Variants in KLRG1 observed in about 807,000 individuals in gnomAD.
KLRG1 encodes the protein killer cell lectin like receptor G1, also known as killer cell lectin-like receptor subfamily G member 1.
In KLRG1, 16 loss-of-function variants were observed where a neutral mutation model predicts 21.8. That is an observed-to-expected ratio of 0.73 (90% CI 0.50 to 1.11). The LOEUF (loss-of-function observed/expected upper bound fraction) is 1.11, where lower values mean the gene tolerates loss of function less well. Among genes scored for constraint, KLRG1 ranks in the 50% most tolerant of loss-of-function variants. The pLI, the probability that KLRG1 is intolerant of heterozygous loss-of-function variation, is 0.00. For missense variants in KLRG1, 173 were observed against 218.3 expected, an observed-to-expected ratio of 0.79 and a Z score of 1.31; for synonymous variants, 69 against 75.9, an observed-to-expected ratio of 0.91 and a Z score of 0.47.
Position 8,973,636 on chromosome 12 carries a change from G to A in KLRG1, c.-155-18570G>A, listed in dbSNP as rs73238275. Among the ~76,000 whole-genome samples the A allele has an allele frequency of 9.6e-3, 1,468 of 152,256 alleles. 28 individuals are homozygous for A. The highest frequency in any genetic ancestry group is 0.032 in the African/African-American group (1,335 of 41,542). On this transcript the variant is annotated intron_variant, in intron 1 of 4. Transcript: ENST00000539240. The stretch of plus-strand genomic sequence containing the variant: ...TGTTATAGAAGCACAAATGGACTAA[G>A]ACATAGTATGGATATTTTAACAGTA...
the KLRG1 span, among the ~76,000 whole-genome samples, chr12:9,030,686 G>A: frequency 1.5e-3 from 224 of 152,286 alleles, no homozygotes; most frequent in Middle Eastern, 3.4e-3. Flanking sequence ...GATTACAGGC[G>A]TGAGCCACTG....
intron 1 of KLRG1, among the ~76,000 whole-genome samples, chr12:8,971,575 A>G (rs1319389383): frequency 1.4e-5 from 1 of 69,376 alleles, no homozygotes; most frequent in East Asian, 4.2e-4. Context: ...CACCCCGCCC[A>G]CAACCCCCAG....
At chr12:9,143,256 A>G in the KLRG1 span, among the ~76,000 whole-genome samples, 1 of 152,236 alleles carries the variant, frequency 6.6e-6, no homozygotes. Flanking sequence ...ACATGGAGAA[A>G]GGGACATGAA....
At chr12:9,090,378 C>T in the KLRG1 span, 1 of 1,613,946 alleles carries the variant, frequency 6.2e-7, no homozygotes, top group Non-Finnish European at 8.5e-7. Flanking sequence ...GGGTTACTGC[C>T]CAGGACACAG....
chr12:9,046,561 G>T, the KLRG1 span, among the ~76,000 whole-genome samples: 2 of 152,158 alleles, frequency 1.3e-5, no homozygotes, highest in East Asian at 1.9e-4. Flanking sequence ...TATAGCAGAT[G>T]TCTCTTCAAA....
the KLRG1 span, among the ~76,000 whole-genome samples, chr12:9,137,062 G>A: frequency 8.6e-5 from 13 of 152,018 alleles, no homozygotes; most frequent in South Asian, 4.1e-4. Context: ...TTTTGTTTTC[G>A]TTGTCTGTGA....
chr12:9,080,687 A>T, the KLRG1 span, among the ~76,000 whole-genome samples: 3 of 152,244 alleles, frequency 2.0e-5, no homozygotes, highest in African/African-American at 7.2e-5. Context: ...AACCTAGAAA[A>T]TTGAGGGTAA....
chr12:9,077,473 A>G, the KLRG1 span: 2 of 1,544,606 alleles, frequency 1.3e-6, no homozygotes, highest in Admixed American at 1.8e-5. Flanking sequence ...AATGCTATTG[A>G]TTAGTTCTTT....
chr12:9,165,023 G>C, the KLRG1 span: 1 of 1,275,328 alleles, frequency 7.8e-7, no homozygotes, highest in South Asian at 1.3e-5. Context: ...ATTATTCACA[G>C]TGCTAACACA....
the KLRG1 span, chr12:9,149,059 G>A: frequency 2.8e-6 from 4 of 1,443,956 alleles, no homozygotes; most frequent in East Asian, 4.5e-5. Context: ...GTTGAGTGTG[G>A]GCAGCAGAGT....
At chr12:8,976,990 A>T (rs2137273856) in intron 1 of KLRG1, among the ~76,000 whole-genome samples, 1 of 152,196 alleles carries the variant, frequency 6.6e-6, no homozygotes, top group East Asian at 1.9e-4. Flanking sequence ...ACCTCAGATG[A>T]TCTACCCGCC....
the KLRG1 span, among the ~76,000 whole-genome samples, chr12:9,045,415 C>A: frequency 1.3e-5 from 2 of 151,956 alleles, no homozygotes; most frequent in Non-Finnish European, 2.9e-5. Flanking sequence ...AACATAAAAC[C>A]TCATGATAAC....
At chr12:9,077,648 A>G in the KLRG1 span, 2 of 1,594,250 alleles carry the variant, frequency 1.3e-6, no homozygotes, top group Non-Finnish European at 1.7e-6. Context: ...TCCTATCCTC[A>G]TCCTTGCAGA....
At chr12:9,001,714 C>CT (rs1251384487) in intron 3 of KLRG1, among the ~76,000 whole-genome samples, 3 of 152,166 alleles carry the variant, frequency 2.0e-5, no homozygotes, top group African/African-American at 7.2e-5. Flanking sequence ...GTGCTTTATT[C>CT]TATGGTATCC....
the KLRG1 span, among the ~76,000 whole-genome samples, chr12:9,048,654 C>G: frequency 6.6e-6 from 1 of 152,126 alleles, no homozygotes; most frequent in Non-Finnish European, 1.5e-5. Flanking sequence ...TTGACAAATT[C>G]AACACTCATT....
At chr12:9,140,877 C>G in the KLRG1 span, among the ~76,000 whole-genome samples, 2 of 152,170 alleles carry the variant, frequency 1.3e-5, no homozygotes, top group Non-Finnish European at 2.9e-5. Flanking sequence ...CCTTAAAGGA[C>G]AGCACACCTC....
At chr12:8,970,192 G>A (rs1946543551) in intron 1 of KLRG1, among the ~76,000 whole-genome samples, 1 of 152,172 alleles carries the variant, frequency 6.6e-6, no homozygotes, top group African/African-American at 2.4e-5. Context: ...GCCTAATCTG[G>A]CTTGCCATTT....
the KLRG1 span, among the ~76,000 whole-genome samples, chr12:9,033,870 C>T: frequency 6.6e-6 from 1 of 152,176 alleles, no homozygotes; most frequent in East Asian, 1.9e-4. Flanking sequence ...TCCAAGAGGA[C>T]TCCCTATCGG....
the KLRG1 span, among the ~76,000 whole-genome samples, chr12:9,041,497 C>G: frequency 6.6e-6 from 1 of 152,156 alleles, no homozygotes; most frequent in African/African-American, 2.4e-5. Context: ...TTTTACTATT[C>G]TTGAATCCAG....
Sources: gnomAD v4.1 joint callset for allele counts (sites outside exome capture counted in the v4.1 genomes callset) on GRCh38, gnomAD v4.1.1 for gene constraint, MANE v1.5 for transcripts, NCBI Gene and HGNC (gene_info 2026-07-23, HGNC 2026-07-21) for gene names.